CFAP74: variants seen among roughly 807,000 people sequenced by gnomAD.
The protein encoded by CFAP74 is cilia- and flagella-associated protein 74.
A neutral mutation model predicts 188.9 loss-of-function variants in CFAP74; 124 were observed. The observed-to-expected ratio is 0.66, with a 90% CI of 0.57 to 0.76. CFAP74 has a LOEUF of 0.76. CFAP74 is among the 30% of genes least tolerant of loss of function. The pLI is 0.00. For synonymous variants in CFAP74, 956 were observed against 916.7 expected, an observed-to-expected ratio of 1.04 and a Z score of -0.77; for missense variants, 2,198 against 2,165.2, an observed-to-expected ratio of 1.02 and a Z score of -0.30.
At chr1:1,996,407 T>G (rs1284096361) in intron 1 of CFAP74, among the ~76,000 whole-genome samples, 1 of 151,968 alleles carries the variant, frequency 6.6e-6, no homozygotes, top group Non-Finnish European at 1.5e-5. Flanking sequence ...GACAAAAAAC[T>G]TAGGCAAAAA....
intron 27 of CFAP74, chr1:1,928,002 C>T: frequency 2.0e-6 from 1 of 508,412 alleles, no homozygotes; most frequent in Non-Finnish European, 3.6e-6. Flanking sequence ...GAGGAGGCGG[C>T]CAGAACCGGG....
chr1:1,948,275 A>G (rs1653916750), intron 18 of CFAP74, among the ~76,000 whole-genome samples: 1 of 151,998 alleles, frequency 6.6e-6, no homozygotes, highest in Non-Finnish European at 1.5e-5. Context: ...TGGGGCCAGC[A>G]GCTTTTTGGT....
At chr1:1,991,788 C>T (rs935045233) in intron 1 of CFAP74, among the ~76,000 whole-genome samples, 1 of 152,184 alleles carries the variant, frequency 6.6e-6, no homozygotes, top group East Asian at 1.9e-4. Context: ...ACCTGTAATC[C>T]CAGCACTTTG....
intron 11 of CFAP74, 47 bp from the exon 12 acceptor site, chr1:1,966,573 A>T: frequency 7.0e-7 from 1 of 1,427,040 alleles, no homozygotes; most frequent in Non-Finnish European, 9.2e-7. Flanking sequence ...CATGACAGAG[A>T]ACAGGGAAGA....
At position 1,949,843 on chromosome 1, in the gene CFAP74, T is replaced by C. The variant is rs543753442; in HGVS notation, c.2177-2789A>G. Reference sequence around the variant, plus strand: ...TGAGACTGGTCCACGGCACTGCCTCTATCAAAGGTTCATGTCTGTTTGCTG... The same window carrying C: ...TGAGACTGGTCCACGGCACTGCCTCCATCAAAGGTTCATGTCTGTTTGCTG... On this transcript the variant is annotated intron_variant, in intron 18 of 38. Coordinates refer to ENST00000682832, the MANE Select transcript of CFAP74 (RefSeq NM_001304360.2). Among the ~76,000 whole-genome samples, 7 of 152,352 alleles carry C rather than the reference T, an allele frequency of 4.6e-5. No homozygotes were observed. In the South Asian group the frequency reaches 1.4e-3, roughly 32 times the overall value.
rs755887507 is a variant in CFAP74, at chr1:1,963,876, G to A, written c.1576-9C>T. On this transcript the variant is annotated splice_polypyrimidine_tract_variant and intron_variant, in intron 13 of 38. Coordinates refer to ENST00000682832, the MANE Select transcript of CFAP74 (RefSeq NM_001304360.2). ...TTGCCAATATCAAAGTCCTGGGAAA[G>A]GCCGAGGTAGCAGCTTCAGAGCGGG... 1.3e-5 allele frequency: 20 copies of A among 1,579,992 alleles called. No individual in the cohort carries two copies. In the East Asian group the frequency reaches 4.0e-4, roughly 32 times the overall value.
chr1:1,925,831 G>C lies in CFAP74; in HGVS notation c.4056C>G (p.Leu1352=). 6.2e-7 allele frequency: 1 copy of C among 1,612,726 alleles called. No homozygotes were observed. Among genetic ancestry groups the C allele is most frequent in the Non-Finnish European group, 8.5e-7 (1 of 1,179,924 alleles). Residue 1352 remains leucine (L), a synonymous_variant, in exon 33 of 39, where the codon CTC becomes CTG. Coordinates refer to ENST00000682832, the MANE Select transcript of CFAP74 (RefSeq NM_001304360.2). ...CTCCGGCAATCACATAGCCCATGTT[G>C]AGGACGCTGCCTTCAATGGAGCACG... ...MITCSIEGSV[L]NMGYVIAGES... is the part of the protein sequence containing the mutation.
intron 25 of CFAP74, among the ~76,000 whole-genome samples, chr1:1,934,642 TGG>T (rs111924570): frequency 5.5e-4 from 70 of 127,482 alleles, no homozygotes; most frequent in African/African-American, 1.9e-3. Context: ...CGTGTGTACG[TGG>T]GTGTTAGGCT....
At chr1:1,988,466 G>A (rs1028802395) in intron 4 of CFAP74, 46 bp downstream of exon 4, 1 of 1,602,072 alleles carries the variant, frequency 6.2e-7, no homozygotes, top group Admixed American at 1.7e-5. Flanking sequence ...TCACGGCCTG[G>A]GGGGCATCAA....
At position 1,973,138 on chromosome 1, in the gene CFAP74, G is replaced by A. The variant is rs1418640396; in HGVS notation, c.675-91C>T. 1 of 894,354 alleles carries A rather than the reference G, an allele frequency of 1.1e-6. No homozygotes were observed. Among genetic ancestry groups the A allele is most frequent in the East Asian group, 2.6e-5 (1 of 37,830 alleles). 55.4% of individuals were successfully genotyped at this position (894,354 alleles called of 1,614,324 possible). On this transcript the variant is annotated intron_variant, in intron 7 of 38. Transcript: ENST00000682832. This position sits in a 1 kb window ranked among gnomAD's most constrained non-coding sequence, Gnocchi z 6.2. ...GCACGGCTGGAGCTCGTGTCCCAGA[G>A]ACGCCGTGGGCCCTTTCGCTCAGCT...
intron 1 of CFAP74, among the ~76,000 whole-genome samples, chr1:1,991,778 A>G (rs7529662): frequency 0.26 from 38,884 of 151,982 alleles, 5,462 homozygotes; most frequent in Non-Finnish European, 0.3. Context: ...GGTGGCTCAC[A>G]CCTGTAATCC....
At position 1,971,900 on chromosome 1, in the gene CFAP74, G is replaced by T. The variant is rs1656105134; in HGVS notation, c.888+80C>A. The T allele has an allele frequency of 4.5e-6, 5 of 1,120,180 alleles. No homozygotes were observed. The East Asian group carries it at 9.4e-5, about 21-fold the overall frequency. The allele number at this position is 1,120,180 out of a possible 1,614,324, so 69.4% of individuals were successfully genotyped here. A position where few individuals can be genotyped will look rare whatever the true frequency, so the allele number is the denominator to read the frequency against. Reference sequence around the variant, plus strand: ...CCTGGACGCCAGAGGACACGGGCCTGGCTCCCAAGGAGCAGGGGCCCAGGG... The same window carrying T: ...CCTGGACGCCAGAGGACACGGGCCTTGCTCCCAAGGAGCAGGGGCCCAGGG... On this transcript the variant is annotated intron_variant, in intron 9 of 38. Transcript: ENST00000682832.
intron 8 of CFAP74, 90 bp downstream of exon 8, chr1:1,972,847 A>C: frequency 2.2e-6 from 2 of 897,142 alleles, no homozygotes; most frequent in Admixed American, 4.3e-5. Context: ...ATCTTAAATA[A>C]ATAAATAATA....
intron 10 of CFAP74, among the ~76,000 whole-genome samples, chr1:1,969,328 T>TTGCCCAGCCCTGCCC (rs1655744822): frequency 2.6e-5 from 1 of 39,052 alleles, no homozygotes; most frequent in Non-Finnish European, 5.0e-5. Context: ...CAGCCCTGCC[T>TTGCCCAGCCCTGCCC]TGCCCAGCCC....
chr1:1,927,709 T>A lies in CFAP74; in HGVS notation c.3425A>T (p.His1142Leu). ...KNMAPQRKDL[H>L]GLSFSVLRAQ... ...TCGAAGAACGGAGAATGACAGTCCATGCAGGTCCTTCCTCTGGGGGGCCAT... is the reference window on the plus strand; with the variant it reads ...TCGAAGAACGGAGAATGACAGTCCAAGCAGGTCCTTCCTCTGGGGGGCCAT... The change falls in exon 28 of 39, where the codon CAT becomes CTT. Residue 1142 changes from histidine to leucine, a missense_variant. Physicochemically the swap from His to Leu is moderately conservative, Grantham distance 99. Transcript: ENST00000682832. The A allele has an allele frequency of 6.5e-7, 1 of 1,550,154 alleles. No individual in the cohort carries two copies. Among genetic ancestry groups the A allele is most frequent in the Non-Finnish European group, 8.7e-7 (1 of 1,146,816 alleles).
intron 1 of CFAP74, among the ~76,000 whole-genome samples, chr1:1,994,046 T>C (rs1657781840): frequency 6.6e-6 from 1 of 151,796 alleles, no homozygotes; most frequent in Non-Finnish European, 1.5e-5. Context: ...GCACCTGTAG[T>C]CCCACCTATT....
intron 37 of CFAP74, 29 bp downstream of exon 37, chr1:1,922,956 G>A: frequency 1.3e-6 from 2 of 1,542,542 alleles, no homozygotes; most frequent in Non-Finnish European, 1.7e-6. Flanking sequence ...GGGGCTGCCT[G>A]GTGTCCCCAG....
intron 1 of CFAP74, among the ~76,000 whole-genome samples, chr1:1,993,192 C>T (rs1381233988): frequency 9.0e-6 from 1 of 110,680 alleles, no homozygotes; most frequent in Admixed American, 9.5e-5. Flanking sequence ...CAGGGGAAGA[C>T]TGTCTCAAAA....
intron 1 of CFAP74, among the ~76,000 whole-genome samples, chr1:2,002,838 A>G (rs1002885134): frequency 6.6e-6 from 1 of 150,628 alleles, no homozygotes; most frequent in Non-Finnish European, 1.5e-5. Context: ...AAGTTTATAT[A>G]AAGTTTAAAA....
Sources: gnomAD v4.1 joint callset for allele counts (sites outside exome capture counted in the v4.1 genomes callset) on GRCh38, gnomAD v4.1.1 for gene constraint, Gnocchi (gnomAD v3.1) non-coding constraint, MANE v1.5 for transcripts, NCBI Gene and HGNC (gene_info 2026-07-23, HGNC 2026-07-21) for gene names.